MEIS2: variants seen among roughly 807,000 people sequenced by gnomAD.
MEIS2 encodes the protein Meis homeobox 2, also known as homeobox protein Meis2.
MEIS2 carries 9 observed loss-of-function variants against 58.6 expected under a neutral mutation model. The observed-to-expected ratio is 0.15, with a 90% CI of 0.09 to 0.27. MEIS2 has a LOEUF of 0.27. Ranked by LOEUF, MEIS2 falls within the 10% of genes least tolerant of loss-of-function variation. The pLI is 1.00. For synonymous variants in MEIS2, 221 were observed against 228.4 expected (o/e 0.97, Z 0.29); for missense variants, 427 against 635.0 (o/e 0.67, Z 3.52).
intron 6 of MEIS2, among the ~76,000 whole-genome samples, chr15:37,088,319 G>T (rs1242987509): frequency 6.6e-6 from 1 of 152,076 alleles, no homozygotes; most frequent in Non-Finnish European, 1.5e-5. Context: ...ATTTTAATCA[G>T]TAAATGAAGC....
Position 37,099,517 on chromosome 15 carries a change from G to T in MEIS2, c.-51C>A, listed in dbSNP as rs1894847768. On this transcript the variant is annotated 5_prime_UTR_variant, in exon 1 of 12. In the 5' UTR this introduces an upstream ATG that the reference lacks. Coordinates refer to ENST00000561208, the MANE Select transcript of MEIS2 (RefSeq NM_170675.5). ...GATGTGTCGTATATTTAATATCCCA[G>T]TCCGGATAAGAAAGTGATCTAGGCT... 1 of 1,611,558 alleles carries T rather than the reference G, an allele frequency of 6.2e-7. No homozygotes were observed. The highest frequency in any genetic ancestry group is 1.3e-5 in the African/African-American group (1 of 74,538).
rs749708692 is a variant in MEIS2, at chr15:36,896,683, A to G, written c.981T>C (p.Phe327=). 4 of 1,613,836 alleles carry G rather than the reference A, an allele frequency of 2.5e-6. No individual in the cohort carries two copies. In the East Asian group the frequency reaches 8.9e-5, roughly 36 times the overall value. The change falls in exon 10 of 12, where the codon TTT becomes TTC. Residue 327 remains phenylalanine (F), a synonymous_variant. Transcript: ENST00000561208. ...GLTILQVNNW[F]INARRRIVQP... is the part of the protein sequence containing the mutation. ...GTACTATTCTTCTTCTGGCATTAAT[A>G]AACCTGAAAGAGAACAGAGAAGTCC... is the stretch of plus-strand genomic sequence containing the variant.
intron 7 of MEIS2, among the ~76,000 whole-genome samples, chr15:37,053,977 A>G (rs1274765803): frequency 1.3e-5 from 2 of 152,142 alleles, no homozygotes; most frequent in Admixed American, 1.3e-4. Context: ...AGGGGCATAG[A>G]CTGTTATCCG....
intron 9 of MEIS2, among the ~76,000 whole-genome samples, chr15:36,949,814 G>A (rs1178590712): frequency 6.6e-6 from 1 of 151,688 alleles, no homozygotes; most frequent in African/African-American, 2.4e-5. Context: ...CTACCAAATC[G>A]CAAAAATGGA....
chr15:36,967,728 C>T (rs1242161100), intron 8 of MEIS2, among the ~76,000 whole-genome samples: 2 of 152,164 alleles, frequency 1.3e-5, no homozygotes, highest in Non-Finnish European at 2.9e-5. Context: ...CTATTTTATT[C>T]CTCTATTATT....
intron 7 of MEIS2, among the ~76,000 whole-genome samples, chr15:37,078,749 G>C (rs537973593): frequency 9.2e-5 from 14 of 151,854 alleles, no homozygotes; most frequent in African/African-American, 3.4e-4. Flanking sequence ...AAACAGCAGG[G>C]AACGTGGCTG....
chr15:37,054,866 C>G (rs2141821270), intron 7 of MEIS2, among the ~76,000 whole-genome samples: 1 of 152,286 alleles, frequency 6.6e-6, no homozygotes, highest in South Asian at 2.1e-4. Context: ...TTATATGCCG[C>G]TAGAGAAATT....
chr15:36,946,957 T>C (rs2058587685), intron 9 of MEIS2, among the ~76,000 whole-genome samples: 1 of 151,938 alleles, frequency 6.6e-6, no homozygotes, highest in Admixed American at 6.6e-5. Flanking sequence ...TGCAAGGAGG[T>C]TATTCAGGTT....
chr15:37,058,459 C>T (rs1315247604), intron 7 of MEIS2, among the ~76,000 whole-genome samples: 1 of 152,200 alleles, frequency 6.6e-6, no homozygotes, highest in Non-Finnish European at 1.5e-5. Context: ...TCAACGTTCT[C>T]TCCTGGGCCA....
intron 7 of MEIS2, among the ~76,000 whole-genome samples, chr15:37,057,593 G>A (rs1263352304): frequency 3.3e-5 from 5 of 152,072 alleles, no homozygotes; most frequent in South Asian, 2.1e-4. Context: ...GGCCTCCTGG[G>A]ACCCAACTAG....
At chr15:37,010,760 T>G (rs2061121671) in intron 8 of MEIS2, among the ~76,000 whole-genome samples, 2 of 152,236 alleles carry the variant, frequency 1.3e-5, no homozygotes, top group Non-Finnish European at 2.9e-5. Flanking sequence ...AAAACTTAAT[T>G]GAATGGGGGT....
intron 8 of MEIS2, among the ~76,000 whole-genome samples, chr15:37,013,041 A>C (rs1235625981): frequency 1.3e-5 from 2 of 152,210 alleles, no homozygotes; most frequent in African/African-American, 4.8e-5. Flanking sequence ...GGGACCACAC[A>C]AGAACGCAAG....
chr15:36,920,469 C>T (rs2057461094), intron 9 of MEIS2, among the ~76,000 whole-genome samples: 1 of 152,134 alleles, frequency 6.6e-6, no homozygotes, highest in Non-Finnish European at 1.5e-5. Flanking sequence ...CAGGTACCAC[C>T]TTTTTCTTTT....
intron 9 of MEIS2, chr15:36,898,240 C>G (rs1167989233): frequency 6.6e-6 from 1 of 152,148 alleles, no homozygotes; most frequent in African/African-American, 2.4e-5. Flanking sequence ...CAAAGACTTC[C>G]AGAAGCATCC....
At chr15:37,044,610 C>A (rs2062583979) in intron 7 of MEIS2, among the ~76,000 whole-genome samples, 1 of 152,172 alleles carries the variant, frequency 6.6e-6, no homozygotes, top group Non-Finnish European at 1.5e-5. Flanking sequence ...TTTCTTTCCT[C>A]CTTTCCCATT....
At chr15:36,954,453 G>A (rs1205605) in intron 8 of MEIS2, among the ~76,000 whole-genome samples, 122,920 of 147,484 alleles carry the variant, frequency 0.83, 51,674 homozygotes, top group East Asian at 0.94. Context: ...ATAATTAATT[G>A]TAATTATATA....
chr15:37,028,018 T>C (rs888369834), intron 8 of MEIS2, among the ~76,000 whole-genome samples: 2 of 152,156 alleles, frequency 1.3e-5, no homozygotes, highest in Non-Finnish European at 2.9e-5. Context: ...GACAAATGTA[T>C]AATGACACGT....
At position 37,079,901 on chromosome 15, in the gene MEIS2, G is replaced by A. The variant is rs549995421; in HGVS notation, c.754+3870C>T. ...TGGGTCTGGCAACAGTATGGTTAAC[G>A]TGCGTGTGGTGTGCAGTGTGAGCTC... On this transcript the variant is annotated intron_variant, in intron 7 of 11. Transcript: ENST00000561208. Among the ~76,000 whole-genome samples, 9 of 152,168 alleles carry A rather than the reference G, an allele frequency of 5.9e-5. No homozygotes were observed. The South Asian group carries it at 1.5e-3, about 25-fold the overall frequency.
rs566275371 is a variant in MEIS2, at chr15:37,041,908, G to A, written c.755-4949C>T. On this transcript the variant is annotated intron_variant, in intron 7 of 11. Transcript: ENST00000561208. ...ACTACCTAGGCAGGCTTGGCATGGT[G>A]GCTCATGCCTGTAATCCCAGCACTT... Among the ~76,000 whole-genome samples, 3 of 152,304 alleles carry A rather than the reference G, an allele frequency of 2.0e-5. No individual in the cohort carries two copies. The South Asian group carries it at 6.2e-4, about 32-fold the overall frequency.
Sources: allele counts gnomAD v4.1 joint callset (sites outside exome capture counted in the v4.1 genomes callset), GRCh38; gene constraint gnomAD v4.1.1; transcripts MANE v1.5; gene names NCBI Gene and HGNC (gene_info 2026-07-23, HGNC 2026-07-21).